Variants in ARID1B observed in about 807,000 individuals in gnomAD.
The protein encoded by ARID1B is AT-rich interactive domain-containing protein 1B.
Under a neutral mutation model 212.3 loss-of-function variants are expected in ARID1B, and 30 were observed. The observed-to-expected ratio is 0.14, with a 90% CI of 0.11 to 0.19. The LOEUF (loss-of-function observed/expected upper bound fraction) is 0.19, where lower values mean the gene tolerates loss of function less well. Among genes scored for constraint, ARID1B ranks in the 10% least tolerant of loss-of-function variants. ARID1B has a pLI of 1.00. For synonymous variants in ARID1B, 1,402 were observed against 1,301.7 expected (o/e 1.08, Z -1.66); for missense variants, 2,891 against 3,204.0 (o/e 0.90, Z 2.36).
chr6:157,098,718 G>A (rs1445232408), intron 5 of ARID1B, among the ~76,000 whole-genome samples: 3 of 152,124 alleles, frequency 2.0e-5, no homozygotes, highest in Non-Finnish European at 4.4e-5. Context: ...TTTATTTAAT[G>A]GCTGTTTTAT....
At chr6:156,992,115 G>A (rs1778307388) in intron 4 of ARID1B, among the ~76,000 whole-genome samples, 1 of 152,178 alleles carries the variant, frequency 6.6e-6, no homozygotes, top group Admixed American at 6.5e-5. Context: ...TGTATGCTAT[G>A]TATGTCATGT....
At chr6:156,928,318 G>A (rs1196583982) in intron 3 of ARID1B, among the ~76,000 whole-genome samples, 3 of 152,220 alleles carry the variant, frequency 2.0e-5, no homozygotes, top group Admixed American at 6.5e-5. Flanking sequence ...GGAGGAAGGG[G>A]ATGGACTGGG....
chr6:156,893,883 G>A (rs287937), intron 2 of ARID1B, among the ~76,000 whole-genome samples: 27,798 of 152,084 alleles, frequency 0.18, 2,856 homozygotes, highest in African/African-American at 0.25. Flanking sequence ...CAGTATGATA[G>A]TTCTCAAAAA....
intron 3 of ARID1B, among the ~76,000 whole-genome samples, chr6:156,928,083 C>T (rs914923912): frequency 3.3e-5 from 5 of 152,156 alleles, no homozygotes; most frequent in African/African-American, 1.2e-4. Flanking sequence ...CCGCATGGCC[C>T]ATGGGACCCG....
At chr6:156,827,245 A>T (rs977887662) in intron 1 of ARID1B, among the ~76,000 whole-genome samples, 3 of 152,126 alleles carry the variant, frequency 2.0e-5, no homozygotes, top group African/African-American at 7.2e-5. Context: ...CAAGTTTCCT[A>T]TGTAAACCAC....
chr6:156,789,370 T>C (rs1257042307), intron 1 of ARID1B, among the ~76,000 whole-genome samples: 2 of 152,230 alleles, frequency 1.3e-5, no homozygotes, highest in Non-Finnish European at 2.9e-5. Context: ...TTTGGAACTA[T>C]AGATTCGTGT....
intron 2 of ARID1B, among the ~76,000 whole-genome samples, chr6:156,888,662 T>C (rs1787702289): frequency 6.6e-6 from 1 of 152,202 alleles, no homozygotes; most frequent in Non-Finnish European, 1.5e-5. Flanking sequence ...GACAGCATTT[T>C]TGGGATGGAA....
intron 4 of ARID1B, among the ~76,000 whole-genome samples, chr6:156,949,020 A>G (rs1229189474): frequency 6.6e-6 from 1 of 152,222 alleles, no homozygotes. Flanking sequence ...AGCTTTTTAT[A>G]CAAGACATTC....
At chr6:157,198,982 C>T (rs1279580670) in intron 17 of ARID1B, 75 bp downstream of exon 17, 7 of 1,229,792 alleles carry the variant, frequency 5.7e-6, no homozygotes, top group Non-Finnish European at 7.9e-6. Flanking sequence ...ACTTGTCTTA[C>T]TTCTGAAGAT....
At chr6:156,906,830 AAG>A (rs1207778238) in intron 3 of ARID1B, among the ~76,000 whole-genome samples, 5 of 152,184 alleles carry the variant, frequency 3.3e-5, no homozygotes, top group African/African-American at 1.2e-4. Flanking sequence ...ATTCTTCAAA[AAG>A]AGCTGCTGTA....
intron 1 of ARID1B, among the ~76,000 whole-genome samples, chr6:156,793,659 T>G (rs938701349): frequency 1.3e-5 from 2 of 152,050 alleles, no homozygotes; most frequent in Admixed American, 6.5e-5. Flanking sequence ...TCAAAAAGGG[T>G]GGGCTGCATA....
At position 156,993,012 on chromosome 6, in the gene ARID1B, A is replaced by G. The variant is rs893219779; in HGVS notation, c.2247+57436A>G. 1.0e-4 allele frequency among the ~76,000 whole-genome samples: 15 copies of G among 150,366 alleles called. No individual in the cohort carries two copies. In the South Asian group the frequency reaches 3.2e-3, roughly 32 times the overall value. On this transcript the variant is annotated intron_variant, in intron 4 of 19. Transcript: ENST00000636930. ...GGAGCTGAATGTTTATCAATGAGCC[A>G]TTTTAGGCCATAATTGTATATATAT...
intron 2 of ARID1B, among the ~76,000 whole-genome samples, chr6:156,874,891 A>G (rs2128153615): frequency 6.6e-6 from 1 of 152,282 alleles, no homozygotes; most frequent in African/African-American, 2.4e-5. Context: ...ACTTATGGTA[A>G]TTGGAATATG....
intron 4 of ARID1B, among the ~76,000 whole-genome samples, chr6:157,083,771 A>G (rs1784779971): frequency 6.6e-6 from 1 of 152,232 alleles, no homozygotes. Context: ...ATAACTTCAA[A>G]GACATTTATT....
intron 2 of ARID1B, among the ~76,000 whole-genome samples, chr6:156,878,567 C>G (rs1315971925): frequency 6.6e-6 from 1 of 152,222 alleles, no homozygotes; most frequent in Admixed American, 6.5e-5. Flanking sequence ...AAGACCAGGG[C>G]ATGTGCATCT....
Position 157,167,179 on chromosome 6 carries a change from T to C in ARID1B, c.3229T>C (p.Ser1077Pro), listed in dbSNP as rs1203396820. The C allele has an allele frequency of 6.2e-7, 1 of 1,606,576 alleles. No individual in the cohort carries two copies. Among genetic ancestry groups the C allele is most frequent in the Non-Finnish European group, 8.5e-7 (1 of 1,179,584 alleles). ...CATGGCGCCCGCCATGGTGAACAGC[T>C]CGGCAGGTAACCTTGGCAGCTCTGC... Reference protein sequence around the residue: ...YSMAPAMVNSSAASVGLADMM... With the variant: ...YSMAPAMVNSPAASVGLADMM... Residue 1077 changes from serine to proline, a missense_variant, in exon 9 of 20, where the codon TCG becomes CCG. Physicochemically the swap from Ser to Pro is moderately conservative, Grantham distance 74. Transcript: ENST00000636930.
intron 4 of ARID1B, among the ~76,000 whole-genome samples, chr6:156,982,488 G>A (rs1188370473): frequency 1.3e-5 from 2 of 149,912 alleles, no homozygotes; most frequent in Non-Finnish European, 3.0e-5. Flanking sequence ...CTTCATTTTG[G>A]GGCAATTATC....
intron 7 of ARID1B, among the ~76,000 whole-genome samples, chr6:157,135,180 T>C (rs76001761): frequency 0.01 from 1,573 of 152,230 alleles, 18 homozygotes; most frequent in African/African-American, 0.035. Context: ...AGAGTTCTTA[T>C]CCAAACTGCT....
intron 8 of ARID1B, among the ~76,000 whole-genome samples, chr6:157,162,896 C>T (rs542069622): frequency 5.0e-4 from 76 of 152,246 alleles, no homozygotes; most frequent in African/African-American, 1.8e-3. Flanking sequence ...TTTCTACAGC[C>T]ATGGACTCGG....
Sources: allele counts gnomAD v4.1 joint callset (sites outside exome capture counted in the v4.1 genomes callset), GRCh38; gene constraint gnomAD v4.1.1; transcripts MANE v1.5; gene names NCBI Gene and HGNC (gene_info 2026-07-23, HGNC 2026-07-21).